The following DPP10 variants were observed in gnomAD, a reference collection of about 807,000 sequenced individuals.
The protein encoded by DPP10 is dipeptidyl peptidase like 10, also known as inactive dipeptidyl peptidase 10.
In DPP10, 33 loss-of-function variants were observed where a neutral mutation model predicts 120.9. The observed-to-expected ratio is 0.27, with a 90% confidence interval of 0.21 to 0.37. The LOEUF (loss-of-function observed/expected upper bound fraction) is 0.37. DPP10 is among the 10% of genes least tolerant of loss of function. The pLI, the probability that DPP10 is intolerant of heterozygous loss-of-function variation, is 1.00. For missense variants in DPP10, 816 were observed against 942.8 expected (o/e 0.87, Z 1.76); for synonymous variants, 337 against 326.1 (o/e 1.03, Z -0.36).
At chr2:115,639,316 T>C (rs1233219189) in intron 5 of DPP10, among the ~76,000 whole-genome samples, 2 of 152,216 alleles carry the variant, frequency 1.3e-5, no homozygotes, top group African/African-American at 4.8e-5. Context: ...TTGGGAAATG[T>C]AATACTCCAT....
chr2:115,464,443 A>C (rs976670340), intron 3 of DPP10, among the ~76,000 whole-genome samples: 5 of 152,038 alleles, frequency 3.3e-5, no homozygotes, highest in Non-Finnish European at 7.4e-5. Context: ...AACAAACAAA[A>C]AAAACAGCGG....
intron 1 of DPP10, among the ~76,000 whole-genome samples, chr2:114,826,218 ATAAT>A (rs1254911882): frequency 6.6e-6 from 1 of 152,246 alleles, no homozygotes; most frequent in Non-Finnish European, 1.5e-5. Flanking sequence ...GAGAACCTAA[ATAAT>A]AAAATAATGT....
chr2:114,835,278 C>CATATCTACACACCTATGTATATATAAGA (rs1558792728), intron 1 of DPP10: 5 of 143,988 alleles, frequency 3.5e-5, no homozygotes, highest in Non-Finnish European at 7.7e-5. Flanking sequence ...TATATATAGG[C>CATATCTACACACCTATGTATATATAAGA]CATATCTACA....
At chr2:114,564,577 T>C (rs1478594287) in intron 1 of DPP10, among the ~76,000 whole-genome samples, 1 of 152,168 alleles carries the variant, frequency 6.6e-6, no homozygotes, top group East Asian at 1.9e-4. Flanking sequence ...AATCAACCAC[T>C]GAGGGAAAAG....
chr2:115,837,735 C>G (rs1039411294), intron 24 of DPP10, among the ~76,000 whole-genome samples: 2 of 151,966 alleles, frequency 1.3e-5, no homozygotes, highest in Admixed American at 1.3e-4. Context: ...GTACTCCAAG[C>G]CCATACATAA....
intron 1 of DPP10, among the ~76,000 whole-genome samples, chr2:114,600,179 AAGTGACCCAGGG>A (rs1692250435): frequency 6.6e-6 from 1 of 151,590 alleles, no homozygotes; most frequent in Non-Finnish European, 1.5e-5. Flanking sequence ...TTAAACCACG[AAGTGACCCAGGG>A]GTCACTTAGA....
intron 1 of DPP10, among the ~76,000 whole-genome samples, chr2:114,580,698 A>C (rs1024632359): frequency 6.7e-6 from 1 of 148,744 alleles, no homozygotes; most frequent in African/African-American, 2.5e-5. Flanking sequence ...TCCCTAAAGC[A>C]CCGCATTAAT....
chr2:114,594,061 G>A (rs555486305), intron 1 of DPP10, among the ~76,000 whole-genome samples: 3 of 152,190 alleles, frequency 2.0e-5, no homozygotes, highest in South Asian at 2.1e-4. Flanking sequence ...CTATGAGGGC[G>A]TTGTCAAAGG....
chr2:115,622,510 C>CTTTTTTTTTTT (rs70941082), intron 5 of DPP10, among the ~76,000 whole-genome samples: 1 of 117,448 alleles, frequency 8.5e-6, no homozygotes, highest in African/African-American at 3.4e-5. Context: ...ATTTTATTGT[C>CTTTTTTTTTTT]TTTTTTTTTT....
In DPP10 at chr2:115,061,945, G is replaced by GT. The variant is rs1043656522; in HGVS notation, c.61-247286dup. On this transcript the variant is annotated intron_variant, in intron 1 of 25. Coordinates refer to ENST00000410059, the MANE Select transcript of DPP10 (RefSeq NM_020868.6). ...AATATTAAAATTTTCAGTTAAAATTGTTTTTTTTCCCTTGGCTATTCTTTT... is the reference window on the plus strand; with the variant it reads ...AATATTAAAATTTTCAGTTAAAATTGTTTTTTTTTCCCTTGGCTATTCTTTT... Among the ~76,000 whole-genome samples, 165 of 149,724 alleles carry GT rather than the reference G, an allele frequency of 1.1e-3. 1 individual carries two copies. The highest frequency in any genetic ancestry group is 3.8e-3 in the African/African-American group (154 of 40,810).
chr2:115,760,934 TA>T (rs1680036923), intron 11 of DPP10, among the ~76,000 whole-genome samples: 1 of 151,872 alleles, frequency 6.6e-6, no homozygotes, highest in South Asian at 2.1e-4. Context: ...CTGTCTCTAC[TA>T]AAACTACAAA....
At chr2:115,775,528 T>C (rs1681995766) in intron 13 of DPP10, among the ~76,000 whole-genome samples, 1 of 152,026 alleles carries the variant, frequency 6.6e-6, no homozygotes, top group South Asian at 2.1e-4. Context: ...TCCTCCATAG[T>C]GTTAAGAAAA....
chr2:115,783,267 A>G lies in DPP10; in HGVS notation c.1531+868A>G, dbSNP rs113629500. On this transcript the variant is annotated intron_variant, in intron 17 of 25. Coordinates refer to ENST00000410059, the MANE Select transcript of DPP10 (RefSeq NM_020868.6). Reference sequence around the variant, plus strand: ...TTAGTCTCAAAGAGGTTAAGTGGTAATAACTTGGCCAGAGTCATACTAATA... The same window carrying G: ...TTAGTCTCAAAGAGGTTAAGTGGTAGTAACTTGGCCAGAGTCATACTAATA... Among the ~76,000 whole-genome samples the G allele has an allele frequency of 7.2e-3, 1,094 of 152,252 alleles. 16 individuals are homozygous for G. The highest frequency in any genetic ancestry group is 0.025 in the African/African-American group (1,058 of 41,560).
At chr2:114,859,711 C>T (rs1689660344) in intron 1 of DPP10, among the ~76,000 whole-genome samples, 1 of 152,174 alleles carries the variant, frequency 6.6e-6, no homozygotes, top group Admixed American at 6.5e-5. Context: ...TGTGCCTCTA[C>T]CAATCCACCT....
At chr2:114,712,992 C>CTTTT (rs70937300) in intron 1 of DPP10, among the ~76,000 whole-genome samples, 2 of 132,622 alleles carry the variant, frequency 1.5e-5, no homozygotes, top group African/African-American at 2.8e-5. Flanking sequence ...TAACCAAATT[C>CTTTT]TTTTTTTTTT....
intron 1 of DPP10, among the ~76,000 whole-genome samples, chr2:115,244,082 G>A (rs767310874): frequency 2.6e-5 from 4 of 150,978 alleles, no homozygotes; most frequent in African/African-American, 9.7e-5. Flanking sequence ...GAAAATAAAT[G>A]CTTAGGACAA....
chr2:115,028,381 ATG>A (rs1275286414), intron 1 of DPP10, among the ~76,000 whole-genome samples: 1 of 151,860 alleles, frequency 6.6e-6, no homozygotes, highest in Non-Finnish European at 1.5e-5. Context: ...TTGACTTTTT[ATG>A]TGTTTCTGCA....
chr2:114,443,090 C>T (rs1677748905), intron 1 of DPP10, among the ~76,000 whole-genome samples: 1 of 151,450 alleles, frequency 6.6e-6, no homozygotes, highest in Non-Finnish European at 1.5e-5. Flanking sequence ...AGGTATATTT[C>T]CAGAAGAAAG....
chr2:115,087,533 C>CTTTTTTTTTTTTTTTTTTTTTTTTTT (rs1310507943), intron 1 of DPP10, among the ~76,000 whole-genome samples: 5 of 92,590 alleles, frequency 5.4e-5, no homozygotes, highest in African/African-American at 7.3e-5. Flanking sequence ...CTTTTCTTTT[C>CTTTTTTTTTTTTTTTTTTTTTTTTTT]TTTTCTTTTT....
Sources: gnomAD v4.1 joint callset for allele counts (sites outside exome capture counted in the v4.1 genomes callset) on GRCh38, gnomAD v4.1.1 for gene constraint, MANE v1.5 for transcripts, NCBI Gene and HGNC (gene_info 2026-07-23, HGNC 2026-07-21) for gene names.